The following TUNAR variants were observed in gnomAD, a reference collection of about 807,000 sequenced individuals.
TUNAR encodes protein TUNAR.
intron 2 of TUNAR, among the ~76,000 whole-genome samples, chr14:95,899,013 C>G (rs1473890627): frequency 1.3e-5 from 2 of 152,168 alleles, no homozygotes; most frequent in African/African-American, 4.8e-5. Flanking sequence ...CAAACCCCAG[C>G]CTTCTGATTT....
exon 3 of TUNAR, chr14:95,923,664 G>A (rs981923181): frequency 2.0e-5 from 3 of 152,174 alleles, no homozygotes; most frequent in Admixed American, 6.5e-5. Context: ...CAGATGTTCT[G>A]TTGTGGAGCC....
At chr14:95,882,913 GC>G (rs1286137023) in intron 2 of TUNAR, among the ~76,000 whole-genome samples, 1 of 152,196 alleles carries the variant, frequency 6.6e-6, no homozygotes, top group African/African-American at 2.4e-5. Flanking sequence ...TAAAGTGAAT[GC>G]CCCTGAGAGC....
intron 2 of TUNAR, among the ~76,000 whole-genome samples, chr14:95,881,263 C>T (rs1167959073): frequency 1.3e-5 from 2 of 152,122 alleles, no homozygotes; most frequent in African/African-American, 4.8e-5. Context: ...TGTCGATTTC[C>T]AAAAAGATTC....
At chr14:95,891,671 C>T (rs546300699) in intron 2 of TUNAR, among the ~76,000 whole-genome samples, 16 of 152,356 alleles carry the variant, frequency 1.1e-4, no homozygotes, top group African/African-American at 3.6e-4. Flanking sequence ...GATCTTGGCT[C>T]TGTTGTCTGT....
chr14:95,878,869 C>T (rs1888931552), intron 2 of TUNAR, among the ~76,000 whole-genome samples: 1 of 152,196 alleles, frequency 6.6e-6, no homozygotes, highest in African/African-American at 2.4e-5. Flanking sequence ...TAAGAAGATG[C>T]CCAGCAGGCT....
chr14:95,911,383 C>T (rs865886740), intron 2 of TUNAR, among the ~76,000 whole-genome samples: 1 of 152,222 alleles, frequency 6.6e-6, no homozygotes, highest in African/African-American at 2.4e-5. Flanking sequence ...CCTGGGCCCT[C>T]ATCACCATAG....
At chr14:95,877,350 C>T (rs557650118) in intron 2 of TUNAR, among the ~76,000 whole-genome samples, 173 bp downstream of exon 1, 2 of 152,232 alleles carry the variant, frequency 1.3e-5, no homozygotes, top group Non-Finnish European at 2.9e-5. Flanking sequence ...CTGAACTGCC[C>T]GGGCAGACCT....
chr14:95,923,013 G>A, exon 3 of TUNAR: 1 of 399,044 alleles, frequency 2.5e-6, no homozygotes, highest in East Asian at 3.6e-5. Flanking sequence ...AAAGACGGAA[G>A]TCCTGCGTGT....
chr14:95,914,007 T>A (rs1368273380), intron 2 of TUNAR, among the ~76,000 whole-genome samples: 1 of 152,208 alleles, frequency 6.6e-6, no homozygotes, highest in South Asian at 2.1e-4. Flanking sequence ...CTGGGATTAC[T>A]GGCGTGAGCC....
intron 2 of TUNAR, among the ~76,000 whole-genome samples, chr14:95,906,766 T>C (rs1434101428): frequency 6.6e-6 from 1 of 152,230 alleles, no homozygotes; most frequent in Non-Finnish European, 1.5e-5. Flanking sequence ...TTGCTTTGTG[T>C]GGACATATGA....
At chr14:95,889,988 A>G (rs370467505) in intron 2 of TUNAR, among the ~76,000 whole-genome samples, 72 of 149,570 alleles carry the variant, frequency 4.8e-4, no homozygotes, top group African/African-American at 1.7e-3. Context: ...CTGACAAATG[A>G]TTCTAAGCAA....
intron 2 of TUNAR, among the ~76,000 whole-genome samples, chr14:95,877,441 T>C (rs1364586844): frequency 6.6e-6 from 1 of 152,186 alleles, no homozygotes; most frequent in African/African-American, 2.4e-5. Context: ...TAACGGCATG[T>C]GTATGCAGCT....
At chr14:95,880,965 C>G (rs34292239) in intron 2 of TUNAR, among the ~76,000 whole-genome samples, 1 of 152,158 alleles carries the variant, frequency 6.6e-6, no homozygotes, top group African/African-American at 2.4e-5. Flanking sequence ...CTTTCTTAGT[C>G]TCTAATAATT....
At chr14:95,879,685 GTTTTTC>G (rs1888946738) in intron 2 of TUNAR, among the ~76,000 whole-genome samples, 3 of 146,260 alleles carry the variant, frequency 2.1e-5, no homozygotes, top group African/African-American at 7.5e-5. Context: ...TTCCTTTTCA[GTTTTTC>G]TTTGTCTTAA....
intron 2 of TUNAR, among the ~76,000 whole-genome samples, chr14:95,902,676 G>T (rs989557336): frequency 6.6e-6 from 1 of 152,148 alleles, no homozygotes; most frequent in African/African-American, 2.4e-5. Context: ...TGGGGATGGG[G>T]TGGGGGAGCC....
At chr14:95,914,118 A>G (rs1889564308) in intron 2 of TUNAR, among the ~76,000 whole-genome samples, 1 of 152,250 alleles carries the variant, frequency 6.6e-6, no homozygotes, top group South Asian at 2.1e-4. Context: ...GAAGAGTGCT[A>G]ATGAACTAGT....
chr14:95,893,159 C>T (rs1026454777), intron 2 of TUNAR, among the ~76,000 whole-genome samples: 2 of 152,030 alleles, frequency 1.3e-5, no homozygotes, highest in African/African-American at 2.4e-5. Context: ...CGTGAGGGTC[C>T]CTGCCAAGGA....
At chr14:95,884,542 A>G (rs1378916397) in intron 2 of TUNAR, among the ~76,000 whole-genome samples, 1 of 152,252 alleles carries the variant, frequency 6.6e-6, no homozygotes, top group Non-Finnish European at 1.5e-5. Flanking sequence ...CCACCACCAT[A>G]GTAAAAGTAA....
At chr14:95,890,383 C>T (rs1889160164) in intron 2 of TUNAR, among the ~76,000 whole-genome samples, 1 of 152,202 alleles carries the variant, frequency 6.6e-6, no homozygotes, top group African/African-American at 2.4e-5. Context: ...ATGGCAGCCC[C>T]AACCCTACAT....
Sources: gnomAD v4.1 joint callset for allele counts (sites outside exome capture counted in the v4.1 genomes callset) on GRCh38, gnomAD v4.1.1 for gene constraint, MANE v1.5 for transcripts, NCBI Gene and HGNC (gene_info 2026-07-23, HGNC 2026-07-21) for gene names.